SPRR2G: variants seen among roughly 807,000 people sequenced by gnomAD.
SPRR2G encodes the protein small proline-rich protein 2G.
SPRR2G carries 1 observed loss-of-function variant against 0.7 expected under a neutral mutation model. The observed-to-expected ratio is 1.49, with a 90% CI of 0.53 to 7.06. The LOEUF (loss-of-function observed/expected upper bound fraction) is 7.06. SPRR2G is among the 30% of genes most tolerant of loss of function. The pLI, the probability that SPRR2G is intolerant of heterozygous loss-of-function variation, is 0.14. For synonymous variants in SPRR2G, 38 were observed against 33.9 expected, an observed-to-expected ratio of 1.12 and a Z score of -0.42; for missense variants, 96 against 88.5, an observed-to-expected ratio of 1.09 and a Z score of -0.34.
chr1:153,155,375 A>G (rs1235566417), upstream of SPRR2G, among the ~76,000 whole-genome samples: 2 of 152,110 alleles, frequency 1.3e-5, no homozygotes, highest in East Asian at 1.9e-4. Flanking sequence ...TTTCGCCTCT[A>G]CTACATGCTA....
the SPRR2G span, among the ~76,000 whole-genome samples, chr1:153,163,623 A>G: frequency 6.6e-6 from 1 of 152,102 alleles, no homozygotes; most frequent in Non-Finnish European, 1.5e-5. Flanking sequence ...GCAGCTCTCA[A>G]TCCTCTTAAC....
At chr1:153,174,830 G>A in the SPRR2G span, among the ~76,000 whole-genome samples, 3 of 152,128 alleles carry the variant, frequency 2.0e-5, no homozygotes, top group African/African-American at 7.2e-5. Context: ...TGCACTGTCA[G>A]CCACATATTT....
In SPRR2G at chr1:153,149,780, AG is replaced by A; in HGVS notation, c.*108del. The A allele has an allele frequency of 2.2e-6, 3 of 1,361,094 alleles. No homozygotes were observed. In the South Asian group the frequency reaches 3.6e-5, roughly 17 times the overall value. 84.3% of individuals were successfully genotyped at this position (1,361,094 alleles called of 1,614,324 possible). Reference sequence around the variant, plus strand: ...TCAACGCTCAAGCCAGACAGAGGTTAGGGAAGATGCAGCCTCCCACTACAGC... The same window carrying A: ...TCAACGCTCAAGCCAGACAGAGGTTAGGAAGATGCAGCCTCCCACTACAGC... On this transcript the variant is annotated 3_prime_UTR_variant, in exon 2 of 2. Coordinates refer to ENST00000368748, the MANE Select transcript of SPRR2G (RefSeq NM_001014291.4).
the SPRR2G span, among the ~76,000 whole-genome samples, chr1:153,157,593 C>T: frequency 1.3e-5 from 2 of 152,112 alleles, no homozygotes; most frequent in African/African-American, 4.8e-5. Context: ...AGACACTAAG[C>T]ATATCCATCA....
the SPRR2G span, among the ~76,000 whole-genome samples, chr1:153,174,895 C>T: frequency 2.6e-5 from 4 of 152,058 alleles, no homozygotes; most frequent in Non-Finnish European, 5.9e-5. Flanking sequence ...TGGATGGATG[C>T]TGGGCTTTAA....
the SPRR2G span, among the ~76,000 whole-genome samples, chr1:153,172,226 T>C: frequency 3.9e-5 from 6 of 152,296 alleles, no homozygotes; most frequent in East Asian, 3.9e-4. Context: ...ATAACTCTCA[T>C]GCTCAGAAGA....
the SPRR2G span, among the ~76,000 whole-genome samples, chr1:153,181,837 G>T: frequency 6.6e-6 from 1 of 151,680 alleles, no homozygotes; most frequent in Non-Finnish European, 1.5e-5. Context: ...TGGACTCTTA[G>T]GTTGATTCCA....
the SPRR2G span, among the ~76,000 whole-genome samples, chr1:153,164,683 T>A: frequency 2.4e-4 from 37 of 152,192 alleles, no homozygotes; most frequent in African/African-American, 8.9e-4. Context: ...CCTAATACGA[T>A]TCCTAAACAT....
chr1:153,166,373 A>C, the SPRR2G span, among the ~76,000 whole-genome samples: 2 of 152,190 alleles, frequency 1.3e-5, no homozygotes, highest in East Asian at 3.8e-4. Context: ...CCTCTCCTAC[A>C]TGGGCATTTA....
chr1:153,169,590 A>C, the SPRR2G span, among the ~76,000 whole-genome samples: 60 of 150,724 alleles, frequency 4.0e-4, 1 homozygote, highest in South Asian at 0.013. Context: ...CACCAACCAC[A>C]AAGTGGTTCT....
At chr1:153,162,137 T>C in the SPRR2G span, among the ~76,000 whole-genome samples, 1 of 152,192 alleles carries the variant, frequency 6.6e-6, no homozygotes, top group African/African-American at 2.4e-5. Flanking sequence ...TAGTTATTTT[T>C]CCTGATCCTC....
At chr1:153,181,403 G>A in the SPRR2G span, among the ~76,000 whole-genome samples, 1 of 151,788 alleles carries the variant, frequency 6.6e-6, no homozygotes, top group South Asian at 2.1e-4. Flanking sequence ...GTTTATCTGT[G>A]GTGAGTACAT....
At chr1:153,157,125 G>T in the SPRR2G span, among the ~76,000 whole-genome samples, 10 of 152,268 alleles carry the variant, frequency 6.6e-5, no homozygotes, top group Admixed American at 3.9e-4. Flanking sequence ...CAAAAATATT[G>T]TAAGGAAAAC....
the SPRR2G span, among the ~76,000 whole-genome samples, chr1:153,178,077 T>A: frequency 1.3e-5 from 2 of 152,144 alleles, no homozygotes; most frequent in Non-Finnish European, 2.9e-5. Flanking sequence ...ATTACTAACA[T>A]TTTATCTTTT....
At chr1:153,186,996 T>C in the SPRR2G span, among the ~76,000 whole-genome samples, 7 of 152,206 alleles carry the variant, frequency 4.6e-5, no homozygotes, top group Non-Finnish European at 7.3e-5. Flanking sequence ...GGGTTGAAAA[T>C]TCTTTTCTTT....
chr1:153,170,005 T>G, the SPRR2G span, among the ~76,000 whole-genome samples: 2 of 152,246 alleles, frequency 1.3e-5, no homozygotes, highest in East Asian at 3.8e-4. Flanking sequence ...TCTTACAGTT[T>G]ATATTAACTA....
the SPRR2G span, among the ~76,000 whole-genome samples, chr1:153,202,093 C>A: frequency 2.6e-5 from 4 of 152,208 alleles, no homozygotes; most frequent in Non-Finnish European, 5.9e-5. Context: ...TGCTGAAATG[C>A]TGAAACTCTC....
chr1:153,178,937 G>A, the SPRR2G span, among the ~76,000 whole-genome samples: 1 of 152,080 alleles, frequency 6.6e-6, no homozygotes, highest in Non-Finnish European at 1.5e-5. Flanking sequence ...TAAACTATGG[G>A]TTTTATTTCT....
At chr1:153,195,524 T>C in the SPRR2G span, among the ~76,000 whole-genome samples, 2 of 152,194 alleles carry the variant, frequency 1.3e-5, no homozygotes, top group African/African-American at 4.8e-5. Context: ...ATCTCAAGTA[T>C]GGAGTTTTCC....
Sources: allele counts gnomAD v4.1 joint callset (sites outside exome capture counted in the v4.1 genomes callset), GRCh38; gene constraint gnomAD v4.1.1; transcripts MANE v1.5; gene names NCBI Gene and HGNC (gene_info 2026-07-23, HGNC 2026-07-21).